The following CCSER2 variants were observed in gnomAD, a reference collection of about 807,000 sequenced individuals.
The protein encoded by CCSER2 is serine-rich coiled-coil domain-containing protein 2.
CCSER2 carries 46 observed loss-of-function variants against 92.3 expected under a neutral mutation model. That is an observed-to-expected ratio of 0.50 (90% CI 0.39 to 0.64). The LOEUF (loss-of-function observed/expected upper bound fraction) is 0.64. Ranked by LOEUF, CCSER2 falls within the 30% of genes least tolerant of loss-of-function variation. The pLI is 0.00. For synonymous variants in CCSER2, 433 were observed against 431.4 expected (o/e 1.00, Z -0.04); for missense variants, 1,244 against 1,238.9 (o/e 1.00, Z -0.06).
At chr10:84,354,229 C>T (rs974543070) in intron 1 of CCSER2, among the ~76,000 whole-genome samples, 5 of 148,732 alleles carry the variant, frequency 3.4e-5, no homozygotes, top group African/African-American at 4.9e-5. Flanking sequence ...AACAAGATTA[C>T]GTCTATGTTG....
chr10:84,501,928 C>G (rs1207921429), intron 9 of CCSER2, among the ~76,000 whole-genome samples: 4 of 128,548 alleles, frequency 3.1e-5, no homozygotes, highest in Non-Finnish European at 5.0e-5. Context: ...AAGCACTGGC[C>G]CTAGGATTTG....
intron 8 of CCSER2, among the ~76,000 whole-genome samples, chr10:84,471,815 ATTATTT>A (rs775592446): frequency 1.2e-4 from 19 of 152,084 alleles, no homozygotes; most frequent in Non-Finnish European, 1.9e-4. Flanking sequence ...GAAATTAAAA[ATTATTT>A]TTAATTTTAA....
Position 84,465,485 on chromosome 10 carries a change from C to T in CCSER2, c.2148+1469C>T, listed in dbSNP as rs753523807. On this transcript the variant is annotated intron_variant, in intron 7 of 9. Coordinates refer to ENST00000372088, the MANE Select transcript of CCSER2 (RefSeq NM_001284240.2). ...AATTACAGGCATCTGCCACCATGCT[C>T]GGCTAATTTTTTATATTTTTAGTAG... Among the ~76,000 whole-genome samples the T allele has an allele frequency of 3.3e-5, 5 of 151,510 alleles. No homozygotes were observed. In the East Asian group the frequency reaches 5.9e-4, roughly 18 times the overall value.
At chr10:84,471,484 T>A (rs1846796643) in intron 8 of CCSER2, among the ~76,000 whole-genome samples, 1 of 152,122 alleles carries the variant, frequency 6.6e-6, no homozygotes, top group Non-Finnish European at 1.5e-5. Flanking sequence ...AGATATTGTG[T>A]CTTGTGCAAT....
chr10:84,437,460 G>A (rs1346842110), intron 5 of CCSER2, among the ~76,000 whole-genome samples: 2 of 151,738 alleles, frequency 1.3e-5, no homozygotes. Flanking sequence ...GTTACAATGA[G>A]CCAAGATCGT....
chr10:84,360,882 T>C (rs1247186936), intron 1 of CCSER2, among the ~76,000 whole-genome samples: 3 of 152,230 alleles, frequency 2.0e-5, no homozygotes, highest in Admixed American at 6.5e-5. Context: ...TTATCATAAT[T>C]ACTTTAATCA....
intron 6 of CCSER2, among the ~76,000 whole-genome samples, chr10:84,457,251 T>TTA (rs1487208071): frequency 1.5e-5 from 1 of 68,644 alleles, no homozygotes; most frequent in Non-Finnish European, 2.5e-5. Context: ...ATATTATATA[T>TTA]TATATAAAAT....
At chr10:84,330,912 C>T (rs958886457) in intron 1 of CCSER2, among the ~76,000 whole-genome samples, 5 of 152,116 alleles carry the variant, frequency 3.3e-5, no homozygotes, top group Non-Finnish European at 7.4e-5. Flanking sequence ...CGCAAAGTCA[C>T]GCAGGTAGAA....
chr10:84,339,817 T>C (rs893385711), intron 1 of CCSER2, among the ~76,000 whole-genome samples: 1 of 151,240 alleles, frequency 6.6e-6, no homozygotes, highest in African/African-American at 2.4e-5. Context: ...TTCTCAGCCT[T>C]CTCATTAAAT....
chr10:84,405,155 GA>G (rs1842316624), intron 3 of CCSER2, among the ~76,000 whole-genome samples: 1 of 152,196 alleles, frequency 6.6e-6, no homozygotes, highest in South Asian at 2.1e-4. Flanking sequence ...AGAGGCTCCA[GA>G]AAAGAAATGG....
intron 9 of CCSER2, among the ~76,000 whole-genome samples, chr10:84,479,890 G>C (rs1261877661): frequency 6.6e-6 from 1 of 152,094 alleles, no homozygotes; most frequent in Non-Finnish European, 1.5e-5. Context: ...TCATAGCTCT[G>C]GGAAGGGAGG....
chr10:84,388,527 G>A (rs945523761), intron 3 of CCSER2, among the ~76,000 whole-genome samples: 3 of 152,110 alleles, frequency 2.0e-5, no homozygotes, highest in Admixed American at 1.3e-4. Context: ...ATTAAAAAGT[G>A]ACAGCAAAAA....
At chr10:84,513,359 T>C in intron 9 of CCSER2, 90 bp from the exon 10 acceptor site, 1 of 1,000,192 alleles carries the variant, frequency 1.0e-6, no homozygotes. Flanking sequence ...AAAGCCATAA[T>C]AAGTACCAAC....
rs192803373 is a variant in CCSER2, at chr10:84,387,780, G to A, written c.1614+13965G>A. Among the ~76,000 whole-genome samples the A allele has an allele frequency of 2.6e-3, 396 of 152,134 alleles. 1 individual carries two copies. The highest frequency in any genetic ancestry group is 8.9e-3 in the African/African-American group (368 of 41,502). On this transcript the variant is annotated intron_variant, in intron 3 of 9. Coordinates refer to ENST00000372088, the MANE Select transcript of CCSER2 (RefSeq NM_001284240.2). ...CCTGACTTCGTGATCCGCCCACCTC[G>A]GCCTCCCAAAGTGCTGGGATTACAG...
intron 7 of CCSER2, among the ~76,000 whole-genome samples, chr10:84,464,404 A>C (rs1846272576): frequency 1.3e-5 from 2 of 150,194 alleles, no homozygotes; most frequent in Non-Finnish European, 3.0e-5. Context: ...TTAAAAATAC[A>C]GAATACAGAT....
At position 84,371,109 on chromosome 10, in the gene CCSER2, A is replaced by G; in HGVS notation, c.57A>G (p.Gly19=). The G allele has an allele frequency of 6.2e-7, 1 of 1,610,120 alleles. No individual in the cohort carries two copies. Among genetic ancestry groups the G allele is most frequent in the Non-Finnish European group, 8.5e-7 (1 of 1,178,830 alleles). Residue 19 remains glycine (G), a synonymous_variant, in exon 2 of 10, where the codon GGA becomes GGG. Coordinates refer to ENST00000372088, the MANE Select transcript of CCSER2 (RefSeq NM_001284240.2). The stretch of plus-strand genomic sequence containing the variant: ...TGGGTTCCAAGTTGCCAAAGTATGG[A>G]ACAAAATCTGTAAGAAGTACATTGC... ...TFLGSKLPKY[G]TKSVRSTLQP... is the part of the protein sequence containing the mutation.
At chr10:84,379,276 A>T (rs548387104) in intron 3 of CCSER2, among the ~76,000 whole-genome samples, 4 of 152,112 alleles carry the variant, frequency 2.6e-5, no homozygotes, top group Non-Finnish European at 5.9e-5. Flanking sequence ...AACATCTTAT[A>T]GGGACGTCTG....
intron 4 of CCSER2, among the ~76,000 whole-genome samples, chr10:84,421,106 AT>A (rs906028970): frequency 3.3e-5 from 5 of 152,156 alleles, no homozygotes; most frequent in Non-Finnish European, 7.3e-5. Flanking sequence ...TCAGATTATC[AT>A]TTCATGGAAG....
intron 6 of CCSER2, among the ~76,000 whole-genome samples, chr10:84,444,590 T>C (rs1844792619): frequency 6.6e-6 from 1 of 152,148 alleles, no homozygotes; most frequent in South Asian, 2.1e-4. Flanking sequence ...TTGCACACAG[T>C]GGTGTTCTAG....
Sources: allele counts gnomAD v4.1 joint callset (sites outside exome capture counted in the v4.1 genomes callset), GRCh38; gene constraint gnomAD v4.1.1; transcripts MANE v1.5; gene names NCBI Gene and HGNC (gene_info 2026-07-23, HGNC 2026-07-21).